The following IL2RA variants were observed in gnomAD, a reference collection of about 807,000 sequenced individuals.
IL2RA encodes the protein interleukin-2 receptor subunit alpha.
Under a neutral mutation model 37.8 loss-of-function variants are expected in IL2RA, and 24 were observed. The ratio of observed to expected loss-of-function variants is 0.63; its 90% CI spans 0.46 to 0.89. The LOEUF (loss-of-function observed/expected upper bound fraction) is 0.89, where lower values mean the gene tolerates loss of function less well. Among genes scored for constraint, IL2RA ranks in the 40% least tolerant of loss-of-function variants. The probability of loss-of-function intolerance (pLI) is 0.00; values close to 1 mark genes in which losing one functional copy is unlikely to be tolerated. For missense variants in IL2RA, 319 were observed against 348.6 expected, an observed-to-expected ratio of 0.92 and a Z score of 0.68; for synonymous variants, 125 against 114.6, an observed-to-expected ratio of 1.09 and a Z score of -0.58.
In IL2RA at chr10:6,012,717, T is replaced by C; in HGVS notation, c.*155A>G. On this transcript the variant is annotated 3_prime_UTR_variant, in exon 8 of 8. Coordinates refer to ENST00000379959, the MANE Select transcript of IL2RA (RefSeq NM_000417.3). The surrounding 1 kb of genome is among the most constrained non-coding windows in gnomAD (Gnocchi z 4.8). ...TAGAGACAAGGTTGCCACTGCCCCGTGTCCTGTGATGTGACTTCAGAGCTT... is the reference window on the plus strand; with the variant it reads ...TAGAGACAAGGTTGCCACTGCCCCGCGTCCTGTGATGTGACTTCAGAGCTT... The C allele has an allele frequency of 1.3e-6, 1 of 773,144 alleles. No individual in the cohort carries two copies. Among genetic ancestry groups the C allele is most frequent in the Non-Finnish European group, 2.3e-6 (1 of 433,586 alleles). The allele number at this position is 773,144 out of a possible 1,614,324, so 47.9% of individuals were successfully genotyped here. A position where few individuals can be genotyped will look rare whatever the true frequency, so the allele number is the denominator to read the frequency against.
Position 6,025,052 on chromosome 10 carries a change from G to A in IL2RA, c.257-698C>T, listed in dbSNP as rs1839457439. 6.6e-6 allele frequency among the ~76,000 whole-genome samples: 1 copy of A among 152,146 alleles called. No individual in the cohort carries two copies. Among genetic ancestry groups the A allele is most frequent in the South Asian group, 2.1e-4 (1 of 4,834 alleles). On this transcript the variant is annotated intron_variant, in intron 2 of 7. Coordinates refer to ENST00000379959, the MANE Select transcript of IL2RA (RefSeq NM_000417.3). The surrounding 1 kb of genome is among the most constrained non-coding windows in gnomAD (Gnocchi z 4.4). Reference sequence around the variant, plus strand: ...GTTTAAGACCAGCCTGGACAACATGGGGAAACCCCATCACTAACAAAAAAT... The same window carrying A: ...GTTTAAGACCAGCCTGGACAACATGAGGAAACCCCATCACTAACAAAAAAT...
At position 6,011,175 on chromosome 10, in the gene IL2RA, T is replaced by C. The variant is rs1208319152; in HGVS notation, c.*1697A>G. On this transcript the variant is annotated 3_prime_UTR_variant, in exon 8 of 8. Transcript: ENST00000379959. This position sits in a 1 kb window ranked among gnomAD's most constrained non-coding sequence, Gnocchi z 5.2. ...TTCCCAAATGAATAATTTTCGTTAA[T>C]GTTAATCGTGTGATGTTGTTGAGCT... is the stretch of plus-strand genomic sequence containing the variant. The C allele has an allele frequency of 6.6e-6, 1 of 152,364 alleles. No homozygotes were observed. The highest frequency in any genetic ancestry group is 1.5e-5 in the Non-Finnish European group (1 of 68,038). The allele number at this position is 152,364 out of a possible 1,614,324, so 9.4% of individuals were successfully genotyped here.
rs1485790362 is a variant in IL2RA at position 6,012,209 on chromosome 10, C to T, written c.*663G>A. ...TTTGGCTGCCCCGTTTTGAAGTTAC[C>T]CAAAGATTATTCTGCCATGGCCTCT... On this transcript the variant is annotated 3_prime_UTR_variant, in exon 8 of 8. Coordinates refer to ENST00000379959, the MANE Select transcript of IL2RA (RefSeq NM_000417.3). The surrounding 1 kb of genome is among the most constrained non-coding windows in gnomAD (Gnocchi z 4.8). The T allele has an allele frequency of 6.6e-6, 1 of 152,658 alleles. No individual in the cohort carries two copies. The highest frequency in any genetic ancestry group is 1.5e-5 in the Non-Finnish European group (1 of 68,386). 9.5% of individuals were successfully genotyped at this position (152,658 alleles called of 1,614,324 possible). A position where few individuals can be genotyped will look rare whatever the true frequency, so the allele number is the denominator to read the frequency against.
At chr10:6,039,248 T>C (rs954712391) in intron 1 of IL2RA, among the ~76,000 whole-genome samples, 1 of 152,198 alleles carries the variant, frequency 6.6e-6, no homozygotes, top group Admixed American at 6.5e-5. Flanking sequence ...AACATAAAAA[T>C]GCTATATGTG....
rs1839904873 is a variant in IL2RA, at chr10:6,048,820, A to G, written c.64+13268T>C. On this transcript the variant is annotated intron_variant, in intron 1 of 7. Transcript: ENST00000379959. The surrounding 1 kb of genome is among the most constrained non-coding windows in gnomAD (Gnocchi z 5.3). ...CCCTCTGGGATGTTCTGTTCCTTCC[A>G]GGACACAGTTTAAGCCCAGTGACAT... Among the ~76,000 whole-genome samples, 1 of 152,166 alleles carries G rather than the reference A, an allele frequency of 6.6e-6. No individual in the cohort carries two copies. Among genetic ancestry groups the G allele is most frequent in the African/African-American group, 2.4e-5 (1 of 41,450 alleles).
chr10:6,055,847 C>T (rs1368320809), intron 1 of IL2RA, among the ~76,000 whole-genome samples: 6 of 4,546 alleles, frequency 1.3e-3, no homozygotes, highest in Non-Finnish European at 4.3e-3. Flanking sequence ...ACTCCCCCCA[C>T]CTCCCTCCCG....
chr10:6,061,684 T>C (rs561087614), intron 1 of IL2RA, among the ~76,000 whole-genome samples: 1 of 152,298 alleles, frequency 6.6e-6, no homozygotes, highest in Admixed American at 6.5e-5. Flanking sequence ...CAAATTAACC[T>C]GAACTTAAAG....
chr10:6,038,885 A>G (rs151034079), intron 1 of IL2RA, among the ~76,000 whole-genome samples: 12 of 152,368 alleles, frequency 7.9e-5, no homozygotes, highest in Admixed American at 3.3e-4. Context: ...AAAATAAAAT[A>G]GGATAAAAAC....
rs372578494 is a variant in IL2RA, at chr10:6,056,562, C to T, written c.64+5526G>A. Among the ~76,000 whole-genome samples, 22 of 152,070 alleles carry T rather than the reference C, an allele frequency of 1.4e-4. No individual in the cohort carries two copies. The South Asian group carries it at 1.7e-3, about 11-fold the overall frequency. The stretch of plus-strand genomic sequence containing the variant: ...AGGCTCGGAGTTCAAGACCAGCCTA[C>T]GCAACATAGCAAAAACCCCCTCTCT... On this transcript the variant is annotated intron_variant, in intron 1 of 7. Coordinates refer to ENST00000379959, the MANE Select transcript of IL2RA (RefSeq NM_000417.3). This position sits in a 1 kb window ranked among gnomAD's most constrained non-coding sequence, Gnocchi z 5.0.
intron 1 of IL2RA, among the ~76,000 whole-genome samples, chr10:6,040,184 C>G (rs370084791): frequency 6.6e-6 from 1 of 152,184 alleles, no homozygotes; most frequent in Non-Finnish European, 1.5e-5. Flanking sequence ...ACCTCTTGAG[C>G]GGTGTTGTTT....
chr10:6,012,691 A>T lies in IL2RA; in HGVS notation c.*181T>A. ...CGCTCTCTGATGGGACTGAGCTGGC[A>T]TAGAGACAAGGTTGCCACTGCCCCG... On this transcript the variant is annotated 3_prime_UTR_variant, in exon 8 of 8. Coordinates refer to ENST00000379959, the MANE Select transcript of IL2RA (RefSeq NM_000417.3). This position sits in a 1 kb window ranked among gnomAD's most constrained non-coding sequence, Gnocchi z 4.8. The T allele has an allele frequency of 1.4e-6, 1 of 689,980 alleles. No homozygotes were observed. The highest frequency in any genetic ancestry group is 2.7e-6 in the Non-Finnish European group (1 of 377,116). 42.7% of individuals were successfully genotyped at this position (689,980 alleles called of 1,614,324 possible). A position where few individuals can be genotyped will look rare whatever the true frequency, so the allele number is the denominator to read the frequency against.
rs1260534735 is a variant in IL2RA, at chr10:6,042,929, G to A, written c.65-16904C>T. Among the ~76,000 whole-genome samples, 3 of 152,194 alleles carry A rather than the reference G, an allele frequency of 2.0e-5. No homozygotes were observed. In the East Asian group the frequency reaches 5.8e-4, roughly 29 times the overall value. On this transcript the variant is annotated intron_variant, in intron 1 of 7. Transcript: ENST00000379959. The stretch of plus-strand genomic sequence containing the variant: ...AATTGCTGATGAGGATTATAAATTA[G>A]CATAGCGATTTCAAAGAGAACATTT...
intron 1 of IL2RA, among the ~76,000 whole-genome samples, chr10:6,050,376 C>T (rs1839930674): frequency 6.6e-6 from 1 of 152,158 alleles, no homozygotes; most frequent in African/African-American, 2.4e-5. Flanking sequence ...GTGGCTCAAG[C>T]CTGTAATCCC....
At chr10:6,017,928 C>T in intron 7 of IL2RA, 125 bp downstream of exon 7, 1 of 767,148 alleles carries the variant, frequency 1.3e-6, no homozygotes, top group Non-Finnish European at 2.3e-6. Context: ...ATTGGCCTCT[C>T]CCTTTGCCAC....
At chr10:6,043,646 C>T (rs922328786) in intron 1 of IL2RA, among the ~76,000 whole-genome samples, 2 of 152,136 alleles carry the variant, frequency 1.3e-5, no homozygotes, top group Non-Finnish European at 2.9e-5. Flanking sequence ...CCATGTTGGC[C>T]AGGCTAGTCT....
At chr10:6,043,639 T>C (rs982573543) in intron 1 of IL2RA, among the ~76,000 whole-genome samples, 2 of 152,166 alleles carry the variant, frequency 1.3e-5, no homozygotes, top group African/African-American at 4.8e-5. Context: ...GGTTTCACCA[T>C]GTTGGCCAGG....
rs899488324 is a variant in IL2RA, at chr10:6,019,036, T to C, written c.727+392A>G. ...CCAACCTACCAACCAACCTATCAAC[T>C]TATCAACCAACCCACCAACCAACCT... On this transcript the variant is annotated intron_variant, in intron 6 of 7. Coordinates refer to ENST00000379959, the MANE Select transcript of IL2RA (RefSeq NM_000417.3). 3.4e-5 allele frequency among the ~76,000 whole-genome samples: 5 copies of C among 147,788 alleles called. No individual in the cohort carries two copies. In the East Asian group the frequency reaches 8.0e-4, roughly 24 times the overall value.
intron 1 of IL2RA, among the ~76,000 whole-genome samples, chr10:6,031,434 C>A (rs1365482122): frequency 9.8e-6 from 1 of 102,236 alleles, no homozygotes; most frequent in Non-Finnish European, 1.9e-5. Flanking sequence ...AGCAAGTTAG[C>A]AATTTCAGTA....
rs572312871 is a variant in IL2RA at position 6,025,108 on chromosome 10, G to A, written c.256+726C>T. Among the ~76,000 whole-genome samples, 1 of 151,998 alleles carries A rather than the reference G, an allele frequency of 6.6e-6. No individual in the cohort carries two copies. Among genetic ancestry groups the A allele is most frequent in the African/African-American group, 2.4e-5 (1 of 41,456 alleles). ...ATATTAGCCAGGCATGGTGGTGTGC[G>A]CCTATAAGGCCCAGGCAGGAGAATC... On this transcript the variant is annotated intron_variant, in intron 2 of 7. Coordinates refer to ENST00000379959, the MANE Select transcript of IL2RA (RefSeq NM_000417.3). The surrounding 1 kb of genome is among the most constrained non-coding windows in gnomAD (Gnocchi z 4.4).
Sources: allele counts gnomAD v4.1 joint callset (sites outside exome capture counted in the v4.1 genomes callset), GRCh38; gene constraint gnomAD v4.1.1; non-coding constraint Gnocchi (gnomAD v3.1); transcripts MANE v1.5; gene names NCBI Gene and HGNC (gene_info 2026-07-23, HGNC 2026-07-21).